Variants in HGSNAT observed in about 807,000 individuals in gnomAD.
HGSNAT encodes the protein heparan-alpha-glucosaminide N-acetyltransferase, also known as transmembrane protein 76.
Under a neutral mutation model 85.2 loss-of-function variants are expected in HGSNAT, and 59 were observed. That is an observed-to-expected ratio of 0.69 (90% CI 0.56 to 0.86). The LOEUF is 0.86. HGSNAT is among the 40% of genes least tolerant of loss of function. The probability of loss-of-function intolerance (pLI) is 0.00; values close to 1 mark genes in which losing one functional copy is unlikely to be tolerated. For missense variants in HGSNAT, 756 were observed against 777.1 expected (o/e 0.97, Z 0.32); for synonymous variants, 321 against 304.5 (o/e 1.05, Z -0.56).
intron 5 of HGSNAT, among the ~76,000 whole-genome samples, chr8:43,168,767 GTATCACATCC>G (rs1438504816): frequency 1.3e-5 from 2 of 152,096 alleles, no homozygotes; most frequent in Non-Finnish European, 2.9e-5. Context: ...TTTCATGACT[GTATCACATCC>G]TATCACACAG....
At chr8:43,174,369 A>G (rs985764071) in intron 9 of HGSNAT, 2 of 152,250 alleles carry the variant, frequency 1.3e-5, no homozygotes, top group Non-Finnish European at 2.9e-5. Flanking sequence ...ATAAAATCCT[A>G]TTTCCTGAAG....
rs1249618474 is a variant in HGSNAT, at chr8:43,169,157, CTTTA to C, written c.564-8_564-5del. 15 of 1,478,752 alleles carry C rather than the reference CTTTA, an allele frequency of 1.0e-5. No individual in the cohort carries two copies. Among genetic ancestry groups the C allele is most frequent in the Non-Finnish European group, 1.2e-5 (13 of 1,099,094 alleles). 91.6% of individuals were successfully genotyped at this position (1,478,752 alleles called of 1,614,324 possible). A position where few individuals can be genotyped will look rare whatever the true frequency, so the allele number is the denominator to read the frequency against. ...CCAATGAAAATAAATTAATTGAGCC[CTTTA>C]TTTATTTTCAGTTTGGATGACTTTA... On this transcript the variant is annotated splice_polypyrimidine_tract_variant and intron_variant, in intron 5 of 17. Coordinates refer to ENST00000379644, the MANE Select transcript of HGSNAT (RefSeq NM_152419.3).
chr8:43,195,655 TGGA>T (rs1554537300), intron 14 of HGSNAT, among the ~76,000 whole-genome samples: 1 of 67,560 alleles, frequency 1.5e-5, no homozygotes. Flanking sequence ...GAGGAGGGGC[TGGA>T]GGAGGAGGAG....
Position 43,196,968 on chromosome 8 carries a change from T to C in HGSNAT, c.1485T>C (p.Tyr495=), listed in dbSNP as rs1171583701. The C allele has an allele frequency of 6.2e-7, 1 of 1,610,500 alleles. No homozygotes were observed. The highest frequency in any genetic ancestry group is 8.5e-7 in the Non-Finnish European group (1 of 1,176,758). ...LGVQAGKILL[Y]YKARTKDILI... ...TCCAGGCAGGAAAAATACTATTGTA[T>C]TACAAGGCTCGGACCAAAGACATCC... The change falls in exon 15 of 18, where the codon TAT becomes TAC. Residue 495 remains tyrosine, a synonymous_variant. Transcript: ENST00000379644.
chr8:43,192,858 C>G (rs932360116), intron 13 of HGSNAT, among the ~76,000 whole-genome samples: 7 of 152,110 alleles, frequency 4.6e-5, no homozygotes, highest in Admixed American at 2.0e-4. Flanking sequence ...GTCGGATTTC[C>G]TGGCAGCAGA....
In HGSNAT at chr8:43,202,238, C is replaced by G. The variant is rs560661958; in HGVS notation, c.*2669C>G. ...ACACCAGGCATCCCCTCTCCTCCCACGAAGGGTGTGCCATAATCCCCTTCA... is the reference window on the plus strand; with the variant it reads ...ACACCAGGCATCCCCTCTCCTCCCAGGAAGGGTGTGCCATAATCCCCTTCA... On this transcript the variant is annotated 3_prime_UTR_variant, in exon 18 of 18. Coordinates refer to ENST00000379644, the MANE Select transcript of HGSNAT (RefSeq NM_152419.3). 6.6e-6 allele frequency: 1 copy of G among 152,446 alleles called. No individual in the cohort carries two copies. Among genetic ancestry groups the G allele is most frequent in the East Asian group, 1.9e-4 (1 of 5,196 alleles). 9.4% of individuals were successfully genotyped at this position (152,446 alleles called of 1,614,324 possible).
chr8:43,171,979 C>T (rs1043936692), intron 7 of HGSNAT, among the ~76,000 whole-genome samples: 3 of 152,166 alleles, frequency 2.0e-5, no homozygotes, highest in East Asian at 1.9e-4. Flanking sequence ...TTCTTTAACC[C>T]GAGACATCTA....
In HGSNAT at chr8:43,146,949, C is replaced by A; in HGVS notation, c.120C>A (p.Asp40Glu). 6.5e-7 allele frequency: 1 copy of A among 1,540,320 alleles called. No individual in the cohort carries two copies. The highest frequency in any genetic ancestry group is 8.9e-7 in the Non-Finnish European group (1 of 1,129,562). Residue 40 changes from aspartate to glutamate, a missense_variant and splice_region_variant, in exon 2 of 18, where the codon GAC (aspartate) becomes GAA (glutamate). Coordinates refer to ENST00000379644, the MANE Select transcript of HGSNAT (RefSeq NM_152419.3). Reference sequence around the variant, plus strand: ...TTAACTTTTCCTAATTTCTACCAGACTTAGACAAAAAAAGACATGCAGAGC... The same window carrying A: ...TTAACTTTTCCTAATTTCTACCAGAATTAGACAAAAAAAGACATGCAGAGC... The part of the protein sequence containing the change: ...GRDAQAAPPR[D>E]LDKKRHAELK...
intron 9 of HGSNAT, among the ~76,000 whole-genome samples, chr8:43,174,924 C>T (rs971520835): frequency 6.6e-6 from 1 of 152,144 alleles, no homozygotes; most frequent in East Asian, 1.9e-4. Context: ...CCCCACTACC[C>T]TTCCCTTCTG....
At chr8:43,168,625 G>C (rs1803512184) in intron 5 of HGSNAT, among the ~76,000 whole-genome samples, 1 of 151,762 alleles carries the variant, frequency 6.6e-6, no homozygotes, top group Non-Finnish European at 1.5e-5. Context: ...TCGAACTCCT[G>C]ACCTCAAGTG....
At chr8:43,160,713 G>A (rs1027550876) in intron 4 of HGSNAT, among the ~76,000 whole-genome samples, 2 of 152,058 alleles carry the variant, frequency 1.3e-5, no homozygotes, top group Admixed American at 6.5e-5. Flanking sequence ...TACTGATTGG[G>A]GTTATTTAAA....
Position 43,200,446 on chromosome 8 carries a change from A to G in HGSNAT, c.*877A>G, listed in dbSNP as rs1352975425. On this transcript the variant is annotated 3_prime_UTR_variant, in exon 18 of 18. Coordinates refer to ENST00000379644, the MANE Select transcript of HGSNAT (RefSeq NM_152419.3). ...TGACTCTCAGTTCCTTCCACCTCTT[A>G]GACATGGTGAGGTAACAGACATCAA... The G allele has an allele frequency of 3.9e-5, 6 of 152,236 alleles. No individual in the cohort carries two copies. The highest frequency in any genetic ancestry group is 8.8e-5 in the Non-Finnish European group (6 of 68,054). 9.4% of individuals were successfully genotyped at this position (152,236 alleles called of 1,614,324 possible).
In HGSNAT at chr8:43,194,604, TC is replaced by T. The variant is rs1308446787; in HGVS notation, c.1464+763del. Reference sequence around the variant, plus strand: ...ATTTGTCTGGTGAGGGTCTGGGCTCTCCTCCCAAGGTGGCAACTTGATTGGG... The same window carrying T: ...ATTTGTCTGGTGAGGGTCTGGGCTCTCTCCCAAGGTGGCAACTTGATTGGG... On this transcript the variant is annotated intron_variant, in intron 14 of 17. Coordinates refer to ENST00000379644, the MANE Select transcript of HGSNAT (RefSeq NM_152419.3). 3.7e-6 allele frequency: 3 copies of T among 802,736 alleles called. No homozygotes were observed. In the African/African-American group the frequency reaches 5.6e-5, roughly 15 times the overall value. 49.7% of individuals were successfully genotyped at this position (802,736 alleles called of 1,614,324 possible).
At chr8:43,150,290 G>A (rs556242879) in intron 2 of HGSNAT, among the ~76,000 whole-genome samples, 1 of 151,998 alleles carries the variant, frequency 6.6e-6, no homozygotes, top group South Asian at 2.1e-4. Flanking sequence ...TTCTCAGTAT[G>A]GTAAACAGTT....
intron 9 of HGSNAT, among the ~76,000 whole-genome samples, chr8:43,177,070 C>T (rs1278566027): frequency 1.3e-5 from 2 of 152,144 alleles, no homozygotes; most frequent in Non-Finnish European, 2.9e-5. Context: ...TTTTTGTACT[C>T]ATTATTAGTG....
intron 9 of HGSNAT, among the ~76,000 whole-genome samples, chr8:43,176,623 A>G (rs775095982): frequency 1.2e-4 from 19 of 152,132 alleles, no homozygotes; most frequent in Non-Finnish European, 2.1e-4. Flanking sequence ...TTGAGTCTGT[A>G]GATTGCTTTA....
Position 43,159,016 on chromosome 8 carries a change from G to A in HGSNAT, c.465G>A (p.Val155=). 4.3e-6 allele frequency: 7 copies of A among 1,613,758 alleles called. No individual in the cohort carries two copies. Among genetic ancestry groups the A allele is most frequent in the Non-Finnish European group, 5.9e-6 (7 of 1,179,776 alleles). Residue 155 remains valine, a synonymous_variant, in exon 4 of 18, where the codon GTG becomes GTA. Transcript: ENST00000379644. The stretch of plus-strand genomic sequence containing the variant: ...GTGAAATTGCCTGTGACCTGGCTGT[G>A]AACGAGGATCCAGTTGATAGTAACC... The part of the protein sequence containing the change: ...GVSEIACDLA[V]NEDPVDSNLP...
chr8:43,144,156 C>CA (rs1251061241), intron 1 of HGSNAT, among the ~76,000 whole-genome samples: 1 of 150,870 alleles, frequency 6.6e-6, no homozygotes, highest in East Asian at 1.9e-4. Context: ...CCTGTGTCTA[C>CA]AAAAAAAGAC....
chr8:43,201,370 T>TGCTCC lies in HGSNAT; in HGVS notation c.*1801_*1802insGCTCC, dbSNP rs1804911922. On this transcript the variant is annotated 3_prime_UTR_variant, in exon 18 of 18. Coordinates refer to ENST00000379644, the MANE Select transcript of HGSNAT (RefSeq NM_152419.3). This position sits in a 1 kb window ranked among gnomAD's most constrained non-coding sequence, Gnocchi z 4.4. ...TCCCCTCCCACTCCACTCCCTGCTCTCTCCTCCACCTCCCCATCCTCTTGT... is the reference window on the plus strand; with the variant it reads ...TCCCCTCCCACTCCACTCCCTGCTCTGCTCCCTCCTCCACCTCCCCATCCTCTTGT... 6.6e-6 allele frequency: 1 copy of TGCTCC among 152,418 alleles called. No individual in the cohort carries two copies. Among genetic ancestry groups the TGCTCC allele is most frequent in the Non-Finnish European group, 1.5e-5 (1 of 68,246 alleles). 9.4% of individuals were successfully genotyped at this position (152,418 alleles called of 1,614,324 possible).
Sources: gnomAD v4.1 joint callset for allele counts (sites outside exome capture counted in the v4.1 genomes callset) on GRCh38, gnomAD v4.1.1 for gene constraint, Gnocchi (gnomAD v3.1) non-coding constraint, MANE v1.5 for transcripts, NCBI Gene and HGNC (gene_info 2026-07-23, HGNC 2026-07-21) for gene names.